The following UBTD2 variants were observed in gnomAD, a reference collection of about 807,000 sequenced individuals.
The protein encoded by UBTD2 is ubiquitin domain-containing protein 2.
In UBTD2, 9 loss-of-function variants were observed where a neutral mutation model predicts 19.8. The observed-to-expected ratio is 0.46, with a 90% confidence interval of 0.27 to 0.79. The LOEUF (loss-of-function observed/expected upper bound fraction) is 0.79, where lower values mean the gene tolerates loss of function less well. Ranked by LOEUF, UBTD2 falls within the 30% of genes least tolerant of loss-of-function variation. UBTD2 has a pLI of 0.14. For synonymous variants in UBTD2, 98 were observed against 103.9 expected, an observed-to-expected ratio of 0.94 and a Z score of 0.35; for missense variants, 250 against 300.4, an observed-to-expected ratio of 0.83 and a Z score of 1.24.
chr5:172,213,383 G>T (rs958175147), intron 2 of UBTD2, among the ~76,000 whole-genome samples: 39 of 152,184 alleles, frequency 2.6e-4, no homozygotes, highest in African/African-American at 8.4e-4. Context: ...AGCTGCCACA[G>T]ATTCATTGCT....
At chr5:172,263,340 TAAC>T (rs917360944) in intron 1 of UBTD2, among the ~76,000 whole-genome samples, 26 of 152,146 alleles carry the variant, frequency 1.7e-4, no homozygotes, top group African/African-American at 5.8e-4. Context: ...GTTGTGAAAA[TAAC>T]AAGAGTTGGG....
intron 1 of UBTD2, among the ~76,000 whole-genome samples, chr5:172,269,993 C>T (rs1278333098): frequency 6.6e-6 from 1 of 151,694 alleles, no homozygotes; most frequent in Non-Finnish European, 1.5e-5. Flanking sequence ...AGGAGAATTG[C>T]TTGAACCCAG....
At chr5:172,237,242 C>T (rs1772030317) in intron 1 of UBTD2, among the ~76,000 whole-genome samples, 2 of 152,048 alleles carry the variant, frequency 1.3e-5, no homozygotes, top group Non-Finnish European at 2.9e-5. Context: ...TACAGGCCCG[C>T]GCCACCATGC....
chr5:172,259,277 G>C (rs1755219982), intron 1 of UBTD2, among the ~76,000 whole-genome samples: 1 of 151,994 alleles, frequency 6.6e-6, no homozygotes, highest in African/African-American at 2.4e-5. Flanking sequence ...CCAGTAGCTG[G>C]GACTACAGGT....
intron 2 of UBTD2, among the ~76,000 whole-genome samples, chr5:172,223,586 CAAAAAAAAAAAAAAAAAA>C (rs577474758): frequency 1.2e-4 from 4 of 33,118 alleles, no homozygotes; most frequent in Non-Finnish European, 1.0e-4. Flanking sequence ...GCGACGGAGT[CAAAAAAAAAAAAAAAAAA>C]AAAAAAAAAA....
At position 172,221,525 on chromosome 5, in the gene UBTD2, G is replaced by C. The variant is rs1455064706; in HGVS notation, c.308-9298C>G. Among the ~76,000 whole-genome samples the C allele has an allele frequency of 2.0e-5, 3 of 151,978 alleles. No individual in the cohort carries two copies. The South Asian group carries it at 6.2e-4, about 32-fold the overall frequency. ...TATAAATAAATAATAAAATAAATAA[G>C]TGAGCCAGTAAGTCATGAAAACACA... On this transcript the variant is annotated intron_variant, in intron 2 of 2. Coordinates refer to ENST00000393792, the MANE Select transcript of UBTD2 (RefSeq NM_152277.3).
At chr5:172,274,053 T>C (rs956893325) in intron 1 of UBTD2, among the ~76,000 whole-genome samples, 2 of 151,780 alleles carry the variant, frequency 1.3e-5, no homozygotes, top group African/African-American at 4.8e-5. Flanking sequence ...CCAGAAAATA[T>C]GAAGGATTTT....
intron 2 of UBTD2, among the ~76,000 whole-genome samples, chr5:172,225,630 A>G (rs1352535344): frequency 6.6e-6 from 1 of 152,230 alleles, no homozygotes; most frequent in East Asian, 1.9e-4. Context: ...AAAGTTAAAA[A>G]TCAGTGTTGG....
intron 1 of UBTD2, among the ~76,000 whole-genome samples, chr5:172,248,189 T>C (rs1214902959): frequency 6.6e-6 from 1 of 152,126 alleles, no homozygotes; most frequent in Non-Finnish European, 1.5e-5. Context: ...AATTCACAAA[T>C]GTAAACAGTC....
chr5:172,240,278 T>C (rs922655932), intron 1 of UBTD2, among the ~76,000 whole-genome samples: 3 of 152,176 alleles, frequency 2.0e-5, no homozygotes, highest in Non-Finnish European at 4.4e-5. Flanking sequence ...TTATAAGTAC[T>C]TAGCATCTAC....
chr5:172,268,849 G>A (rs957094183), intron 1 of UBTD2, among the ~76,000 whole-genome samples: 1 of 152,054 alleles, frequency 6.6e-6, no homozygotes, highest in African/African-American at 2.4e-5. Context: ...ATCTGATTTT[G>A]GGGAAAAAAA....
At chr5:172,230,090 C>T (rs1771859408) in intron 2 of UBTD2, among the ~76,000 whole-genome samples, 1 of 152,074 alleles carries the variant, frequency 6.6e-6, no homozygotes, top group Non-Finnish European at 1.5e-5. Context: ...ACATGGGGAG[C>T]TTTTTCCACA....
intron 1 of UBTD2, among the ~76,000 whole-genome samples, chr5:172,239,287 A>T (rs781697812): frequency 6.6e-6 from 1 of 152,186 alleles, no homozygotes; most frequent in African/African-American, 2.4e-5. Context: ...CACATGCCCA[A>T]ATTCAAAGTC....
intron 1 of UBTD2, among the ~76,000 whole-genome samples, chr5:172,280,509 C>CA (rs376156166): frequency 0.54 from 51,172 of 94,662 alleles, 12,513 homozygotes; most frequent in East Asian, 0.8. Context: ...GACTCCATCT[C>CA]AAAAAAAAAA....
chr5:172,211,377 ACAAAAC>A lies in UBTD2; in HGVS notation c.*447_*452del, dbSNP rs1248245143. The A allele has an allele frequency of 1.4e-5, 2 of 140,238 alleles. No individual in the cohort carries two copies. Among genetic ancestry groups the A allele is most frequent in the African/African-American group, 5.0e-5 (2 of 39,792 alleles). 8.7% of individuals were successfully genotyped at this position (140,238 alleles called of 1,614,324 possible). Reference sequence around the variant, plus strand: ...ACAAAACAAAACAAAACAAAACAAAACAAAACAAAACAAAAAGGTTAAGTTTTATAT... The same window carrying A: ...ACAAAACAAAACAAAACAAAACAAAAAAAACAAAAAGGTTAAGTTTTATAT... On this transcript the variant is annotated 3_prime_UTR_variant, in exon 3 of 3. Transcript: ENST00000393792.
intron 1 of UBTD2, among the ~76,000 whole-genome samples, chr5:172,234,787 G>A (rs1771974102): frequency 6.7e-6 from 1 of 149,800 alleles, no homozygotes; most frequent in African/African-American, 2.5e-5. Context: ...ATGTGCCTGT[G>A]GTCCCAGCTA....
At chr5:172,265,581 G>A (rs1173702281) in intron 1 of UBTD2, among the ~76,000 whole-genome samples, 1 of 152,064 alleles carries the variant, frequency 6.6e-6, no homozygotes, top group African/African-American at 2.4e-5. Context: ...CGACCGCCTC[G>A]GCCTCCCAAA....
rs1016088358 is a variant in UBTD2 at position 172,209,990 on chromosome 5, G to C, written c.*1840C>G. 1 of 152,062 alleles carries C rather than the reference G, an allele frequency of 6.6e-6. No individual in the cohort carries two copies. The highest frequency in any genetic ancestry group is 2.4e-5 in the African/African-American group (1 of 41,416). The allele number at this position is 152,062 out of a possible 1,614,324, so 9.4% of individuals were successfully genotyped here. ...CAAACTTTGAGAAGTGCTGCTATTCGATGTGGCACACAAATGAACAAAAAC... is the reference window on the plus strand; with the variant it reads ...CAAACTTTGAGAAGTGCTGCTATTCCATGTGGCACACAAATGAACAAAAAC... On this transcript the variant is annotated 3_prime_UTR_variant, in exon 3 of 3. Transcript: ENST00000393792.
intron 1 of UBTD2, among the ~76,000 whole-genome samples, chr5:172,251,314 C>CAAAAAAAAAAAAAAGAAAAAA (rs57577423): frequency 8.5e-6 from 1 of 118,218 alleles, no homozygotes; most frequent in African/African-American, 3.4e-5. Context: ...GAGCCTATCT[C>CAAAAAAAAAAAAAAGAAAAAA]AAAAAAAAAA....
Sources: gnomAD v4.1 joint callset for allele counts (sites outside exome capture counted in the v4.1 genomes callset) on GRCh38, gnomAD v4.1.1 for gene constraint, MANE v1.5 for transcripts, NCBI Gene and HGNC (gene_info 2026-07-23, HGNC 2026-07-21) for gene names.